Variants in ZDHHC14 observed in about 807,000 individuals in gnomAD.
ZDHHC14 encodes the protein zDHHC palmitoyltransferase 14.
ZDHHC14 carries 16 observed loss-of-function variants against 47.7 expected under a neutral mutation model. The observed-to-expected ratio is 0.34, with a 90% confidence interval of 0.23 to 0.51. The LOEUF (loss-of-function observed/expected upper bound fraction) is 0.51, where lower values mean the gene tolerates loss of function less well. Among genes scored for constraint, ZDHHC14 ranks in the 20% least tolerant of loss-of-function variants. ZDHHC14 has a pLI of 0.97. For synonymous variants in ZDHHC14, 293 were observed against 278.9 expected (o/e 1.05, Z -0.50); for missense variants, 515 against 662.5 (o/e 0.78, Z 2.44).
intron 1 of ZDHHC14, among the ~76,000 whole-genome samples, chr6:157,480,328 C>T (rs1779596805): frequency 2.3e-5 from 3 of 132,310 alleles, no homozygotes; most frequent in Non-Finnish European, 3.1e-5. Context: ...AGTGTTATGG[C>T]GTGACCTTGG....
chr6:157,606,783 G>A (rs1784556407), intron 3 of ZDHHC14, among the ~76,000 whole-genome samples: 1 of 152,224 alleles, frequency 6.6e-6, no homozygotes, highest in Non-Finnish European at 1.5e-5. Context: ...CCTGACCTGG[G>A]TGACATGAAT....
intron 1 of ZDHHC14, among the ~76,000 whole-genome samples, chr6:157,475,281 T>C (rs956995690): frequency 6.6e-6 from 1 of 152,178 alleles, no homozygotes; most frequent in African/African-American, 2.4e-5. Flanking sequence ...TATTGTTTTC[T>C]AGTAGATTTT....
intron 2 of ZDHHC14, among the ~76,000 whole-genome samples, chr6:157,591,090 T>C (rs1404057700): frequency 6.6e-6 from 1 of 152,248 alleles, no homozygotes; most frequent in African/African-American, 2.4e-5. Flanking sequence ...CCCCATTGTA[T>C]CTAGGAAATA....
chr6:157,491,022 A>G (rs1193678518), intron 1 of ZDHHC14, among the ~76,000 whole-genome samples: 5 of 152,170 alleles, frequency 3.3e-5, no homozygotes, highest in African/African-American at 1.2e-4. Context: ...GGTGGCTCAA[A>G]TGTGCCCGGA....
intron 1 of ZDHHC14, among the ~76,000 whole-genome samples, chr6:157,460,273 C>A (rs938284868): frequency 6.6e-6 from 1 of 150,936 alleles, no homozygotes; most frequent in African/African-American, 2.4e-5. Context: ...GCGGTGTGCA[C>A]CTGTACTCCC....
chr6:157,530,456 C>T (rs541530885), intron 1 of ZDHHC14, among the ~76,000 whole-genome samples: 14 of 152,182 alleles, frequency 9.2e-5, no homozygotes, highest in Non-Finnish European at 1.6e-4. Context: ...AAAAATGAAT[C>T]GGCAGCCCCA....
intron 1 of ZDHHC14, among the ~76,000 whole-genome samples, chr6:157,522,151 T>C (rs1780940338): frequency 6.6e-6 from 1 of 152,146 alleles, no homozygotes; most frequent in African/African-American, 2.4e-5. Context: ...TTCAATGACC[T>C]CAATACCTAC....
At chr6:157,450,364 A>G (rs140742555) in intron 1 of ZDHHC14, among the ~76,000 whole-genome samples, 2 of 151,974 alleles carry the variant, frequency 1.3e-5, no homozygotes, top group Non-Finnish European at 2.9e-5. Context: ...TAAAGAAACA[A>G]TTGGCTAAAT....
chr6:157,514,489 T>A (rs983237028), intron 1 of ZDHHC14, among the ~76,000 whole-genome samples: 25 of 152,258 alleles, frequency 1.6e-4, no homozygotes, highest in Non-Finnish European at 3.2e-4. Flanking sequence ...ATCTGCCTAT[T>A]AGATTGCAGT....
At chr6:157,548,421 T>G (rs1163429232) in intron 2 of ZDHHC14, among the ~76,000 whole-genome samples, 8 of 136,234 alleles carry the variant, frequency 5.9e-5, no homozygotes, top group East Asian at 2.1e-4. Flanking sequence ...TGTTCTTGTT[T>G]TTGTTGTTGT....
At chr6:157,403,676 A>T (rs1777689042) in intron 1 of ZDHHC14, among the ~76,000 whole-genome samples, 1 of 152,356 alleles carries the variant, frequency 6.6e-6, no homozygotes, top group South Asian at 2.1e-4. Flanking sequence ...CTGCCTATTC[A>T]CTAAAAAAGA....
intron 3 of ZDHHC14, among the ~76,000 whole-genome samples, chr6:157,598,152 T>C (rs1219738864): frequency 2.0e-5 from 3 of 152,202 alleles, no homozygotes; most frequent in Non-Finnish European, 4.4e-5. Flanking sequence ...TGCGCTGCCC[T>C]CAGGAACCCA....
chr6:157,658,201 C>T lies in ZDHHC14; in HGVS notation c.1068+4574C>T, dbSNP rs568926655. Among the ~76,000 whole-genome samples the T allele has an allele frequency of 3.3e-5, 5 of 152,048 alleles. No homozygotes were observed. In the East Asian group the frequency reaches 9.7e-4, roughly 29 times the overall value. ...TGAGGGAAAGAGCCCAGAATGGGAACCAGGGAATGAGAGCTCCCATTCTGG... is the reference window on the plus strand; with the variant it reads ...TGAGGGAAAGAGCCCAGAATGGGAATCAGGGAATGAGAGCTCCCATTCTGG... On this transcript the variant is annotated intron_variant, in intron 8 of 8. Coordinates refer to ENST00000359775, the MANE Select transcript of ZDHHC14 (RefSeq NM_024630.3).
chr6:157,396,972 TTCTA>T (rs1349854914), intron 1 of ZDHHC14, among the ~76,000 whole-genome samples: 1 of 152,254 alleles, frequency 6.6e-6, no homozygotes, highest in Non-Finnish European at 1.5e-5. Flanking sequence ...TTCCACTTAT[TTCTA>T]TCTAAGTTCT....
intron 1 of ZDHHC14, among the ~76,000 whole-genome samples, chr6:157,495,073 T>A (rs1299433017): frequency 4.6e-5 from 7 of 152,098 alleles, no homozygotes; most frequent in South Asian, 4.1e-4. Flanking sequence ...TTTTTTTTTT[T>A]ATTTTTTCAT....
At chr6:157,599,133 T>A (rs1000262931) in intron 3 of ZDHHC14, among the ~76,000 whole-genome samples, 1 of 152,166 alleles carries the variant, frequency 6.6e-6, no homozygotes, top group African/African-American at 2.4e-5. Flanking sequence ...AACCATGCCA[T>A]TCAGAATTCT....
chr6:157,651,429 G>T (rs2114989617), intron 7 of ZDHHC14, among the ~76,000 whole-genome samples: 1 of 152,284 alleles, frequency 6.6e-6, no homozygotes, highest in South Asian at 2.1e-4. Context: ...CTGGACAAAG[G>T]CCCACCCCAA....
intron 1 of ZDHHC14, among the ~76,000 whole-genome samples, chr6:157,537,553 C>T (rs1382123274): frequency 2.6e-5 from 4 of 152,232 alleles, no homozygotes; most frequent in African/African-American, 9.6e-5. Flanking sequence ...TTCCCCCTGT[C>T]ACTTTCCAGT....
intron 1 of ZDHHC14, among the ~76,000 whole-genome samples, chr6:157,437,084 C>A (rs1446909009): frequency 6.6e-6 from 1 of 152,130 alleles, no homozygotes; most frequent in African/African-American, 2.4e-5. Context: ...CTTCCATAGC[C>A]CTACCCTGGG....
Sources: gnomAD v4.1 joint callset for allele counts (sites outside exome capture counted in the v4.1 genomes callset) on GRCh38, gnomAD v4.1.1 for gene constraint, MANE v1.5 for transcripts, NCBI Gene and HGNC (gene_info 2026-07-23, HGNC 2026-07-21) for gene names.